NDUFAF6: variants seen among roughly 807,000 people sequenced by gnomAD.
The protein encoded by NDUFAF6 is NADH dehydrogenase (ubiquinone) complex I, assembly factor 6.
In NDUFAF6, 45 loss-of-function variants were observed where a neutral mutation model predicts 40.8. That is an observed-to-expected ratio of 1.10 (90% CI 0.87 to 1.42). NDUFAF6 has a LOEUF of 1.42. Among genes scored for constraint, NDUFAF6 ranks in the 40% most tolerant of loss-of-function variants. The pLI is 0.00. For synonymous variants in NDUFAF6, 185 were observed against 155.9 expected (o/e 1.19, Z -1.39); for missense variants, 435 against 418.5 (o/e 1.04, Z -0.34).
chr8:94,952,937 G>C (rs982426607), intron 2 of NDUFAF6, among the ~76,000 whole-genome samples: 2 of 152,204 alleles, frequency 1.3e-5, no homozygotes, highest in Non-Finnish European at 2.9e-5. Context: ...AGCCTGCGCT[G>C]GATTGTAACT....
intron 1 of NDUFAF6, among the ~76,000 whole-genome samples, chr8:94,901,367 G>T (rs1336592025): frequency 6.6e-6 from 1 of 152,040 alleles, no homozygotes; most frequent in Non-Finnish European, 1.5e-5. Flanking sequence ...GGGTTAGTTT[G>T]TGGGAGCAGG....
At chr8:94,906,776 A>G (rs1317811738) in intron 1 of NDUFAF6, among the ~76,000 whole-genome samples, 1 of 152,182 alleles carries the variant, frequency 6.6e-6, no homozygotes, top group East Asian at 1.9e-4. Flanking sequence ...CAGTTTTATC[A>G]TGTGCAACTG....
rs929173384 is a variant in NDUFAF6, at chr8:95,058,332, A to G, written c.*395A>G. 20 of 1,258,642 alleles carry G rather than the reference A, an allele frequency of 1.6e-5. No individual in the cohort carries two copies. In the South Asian group the frequency reaches 5.0e-4, roughly 31 times the overall value. 78.0% of individuals were successfully genotyped at this position (1,258,642 alleles called of 1,614,324 possible). ...AGTTATCATAGGGGCTTACATGCTG[A>G]GCAGCTATAACCTAGGTGTTCAGAA... On this transcript the variant is annotated 3_prime_UTR_variant, in exon 9 of 9. Coordinates refer to ENST00000396124, the MANE Select transcript of NDUFAF6 (RefSeq NM_152416.4).
chr8:95,058,599 A>G lies in NDUFAF6; in HGVS notation c.*662A>G, dbSNP rs1024075221. 8.5e-7 allele frequency: 1 copy of G among 1,176,086 alleles called. No homozygotes were observed. Among genetic ancestry groups the G allele is most frequent in the African/African-American group, 1.6e-5 (1 of 63,290 alleles). 72.9% of individuals were successfully genotyped at this position (1,176,086 alleles called of 1,614,324 possible). A position where few individuals can be genotyped will look rare whatever the true frequency, so the allele number is the denominator to read the frequency against. ...ACTTTTTTGTTAATCCCACTTCCTC[A>G]CTCTGTCATTCAGCATTATCATGAT... On this transcript the variant is annotated 3_prime_UTR_variant, in exon 9 of 9. Transcript: ENST00000396124.
chr8:95,070,583 T>G (rs936098206), intron 9 of NDUFAF6, among the ~76,000 whole-genome samples: 4 of 152,352 alleles, frequency 2.6e-5, no homozygotes, highest in Middle Eastern at 3.4e-3. Context: ...AGTGTTGAGT[T>G]TCTTTCCACT....
intron 1 of NDUFAF6, among the ~76,000 whole-genome samples, chr8:94,962,615 TG>T (rs1317199360): frequency 1.0e-4 from 9 of 89,556 alleles, no homozygotes; most frequent in African/African-American, 2.9e-4. Context: ...TTTTGTTTTT[TG>T]TTTTTTTTTT....
At chr8:94,948,586 C>T (rs879415713) in intron 2 of NDUFAF6, among the ~76,000 whole-genome samples, 1 of 152,128 alleles carries the variant, frequency 6.6e-6, no homozygotes, top group Non-Finnish European at 1.5e-5. Flanking sequence ...GCAGGGCCTC[C>T]GGAACTCGGA....
chr8:95,107,953 G>A (rs944503136), downstream of NDUFAF6, among the ~76,000 whole-genome samples: 1 of 152,162 alleles, frequency 6.6e-6, no homozygotes, highest in Admixed American at 6.6e-5. Context: ...GTTTGGTTAG[G>A]CTGTGTTGGC....
At chr8:95,048,682 A>C (rs1191986480) in intron 7 of NDUFAF6, 124 bp downstream of exon 7, 15 of 769,606 alleles carry the variant, frequency 1.9e-5, no homozygotes, top group Non-Finnish European at 3.1e-5. Flanking sequence ...TTGATTTCCC[A>C]GTAGATTTAT....
At chr8:94,986,485 G>A (rs1825908997) in intron 2 of NDUFAF6, among the ~76,000 whole-genome samples, 1 of 152,130 alleles carries the variant, frequency 6.6e-6, no homozygotes, top group Non-Finnish European at 1.5e-5. Context: ...ATACAATCTA[G>A]AGGTAGCTTT....
At position 95,025,109 on chromosome 8, in the gene NDUFAF6, G is replaced by A; in HGVS notation, c.101G>A (p.Arg34Gln). ...CCTCTGGGTCTGTACGCGCGCATGC[G>A]GCGGCTGCCCGGGCCGGAGGTGTCT... ...RPPLGLYARM[R>Q]RLPGPEVSGR... The change falls in exon 1 of 9, where the codon CGG becomes CAG. Residue 34 changes from arginine to glutamine, a missense_variant. Transcript: ENST00000396124. The A allele has an allele frequency of 6.8e-7, 1 of 1,481,056 alleles. No individual in the cohort carries two copies. Among genetic ancestry groups the A allele is most frequent in the Non-Finnish European group, 8.9e-7 (1 of 1,125,984 alleles). The allele number at this position is 1,481,056 out of a possible 1,614,324, so 91.7% of individuals were successfully genotyped here.
intron 2 of NDUFAF6, among the ~76,000 whole-genome samples, chr8:94,986,827 C>A (rs566219916): frequency 6.5e-4 from 99 of 152,246 alleles, no homozygotes; most frequent in African/African-American, 2.3e-3. Context: ...TAAGAAAACA[C>A]CAGGGTGGTT....
At position 95,046,992 on chromosome 8, in the gene NDUFAF6, A is replaced by C; in HGVS notation, c.581-2A>C. The C allele has an allele frequency of 1.2e-6, 2 of 1,614,022 alleles. No individual in the cohort carries two copies. The highest frequency in any genetic ancestry group is 1.7e-6 in the Non-Finnish European group (2 of 1,179,960). ...AGCCCTGTGTAATTTCTGAAATCATAGGTATAAAGGATCTTCATGCAGATC... is the reference window on the plus strand; with the variant it reads ...AGCCCTGTGTAATTTCTGAAATCATCGGTATAAAGGATCTTCATGCAGATC... On this transcript the variant is annotated splice_acceptor_variant, in intron 5 of 8. Transcript: ENST00000396124. LOFTEE classifies it high-confidence loss of function.
intron 2 of NDUFAF6, among the ~76,000 whole-genome samples, chr8:95,081,468 C>T (rs1808867467): frequency 2.6e-5 from 4 of 152,062 alleles, no homozygotes; most frequent in African/African-American, 9.7e-5. Context: ...CCGCGCCTGG[C>T]TAGTCTTGCA....
At chr8:94,932,432 CAG>C (rs1362414744) in intron 1 of NDUFAF6, among the ~76,000 whole-genome samples, 2 of 152,198 alleles carry the variant, frequency 1.3e-5, no homozygotes, top group African/African-American at 2.4e-5. Flanking sequence ...GCTAAGAAAA[CAG>C]ATATTTACTA....
chr8:95,014,258 G>T (rs758815655), intron 2 of NDUFAF6, among the ~76,000 whole-genome samples: 2 of 152,228 alleles, frequency 1.3e-5, no homozygotes, highest in Non-Finnish European at 2.9e-5. Context: ...GGAGTGTGAG[G>T]AATGTTGACA....
intron 1 of NDUFAF6, among the ~76,000 whole-genome samples, chr8:94,967,510 T>C (rs1033670503): frequency 9.8e-5 from 15 of 152,348 alleles, no homozygotes; most frequent in African/African-American, 3.6e-4. Context: ...TTTAGTCATC[T>C]GTTGCATTAT....
In NDUFAF6 at chr8:94,895,846, C is replaced by G. The variant is rs142679231; in HGVS notation, c.-1017C>G. On this transcript the variant is annotated 5_prime_UTR_variant, in exon 1 of 15. Transcript: ENST00000396113. The stretch of plus-strand genomic sequence containing the variant: ...CAAGTGCGGCTCTGCTCTCCCCAGT[C>G]CCGGTCCGCGACCACCCGGAGCCCG... 340 of 154,048 alleles carry G rather than the reference C, an allele frequency of 2.2e-3. 3 individuals are homozygous for G. Among genetic ancestry groups the G allele is most frequent in the African/African-American group, 7.9e-3 (330 of 41,598 alleles). The allele number at this position is 154,048 out of a possible 1,614,324, so 9.5% of individuals were successfully genotyped here. A position where few individuals can be genotyped will look rare whatever the true frequency, so the allele number is the denominator to read the frequency against.
intron 2 of NDUFAF6, among the ~76,000 whole-genome samples, chr8:95,016,577 A>T (rs1239155105): frequency 6.6e-6 from 1 of 152,158 alleles, no homozygotes; most frequent in Non-Finnish European, 1.5e-5. Flanking sequence ...CCCTGTCTCT[A>T]CTAAAAATAC....
Sources: allele counts gnomAD v4.1 joint callset (sites outside exome capture counted in the v4.1 genomes callset), GRCh38; gene constraint gnomAD v4.1.1; transcripts MANE v1.5; gene names NCBI Gene and HGNC (gene_info 2026-07-23, HGNC 2026-07-21).